DNAH5: variants seen among roughly 807,000 people sequenced by gnomAD.
DNAH5 encodes the protein dynein axonemal heavy chain 5, also known as axonemal beta dynein heavy chain 5.
In DNAH5, 372 loss-of-function variants were observed where a neutral mutation model predicts 518.2. The observed-to-expected ratio is 0.72, with a 90% CI of 0.66 to 0.78. The LOEUF (loss-of-function observed/expected upper bound fraction) is 0.78. Ranked by LOEUF, DNAH5 falls within the 30% of genes least tolerant of loss-of-function variation. The pLI, the probability that DNAH5 is intolerant of heterozygous loss-of-function variation, is 0.00. For synonymous variants in DNAH5, 2,039 were observed against 2,025.9 expected (o/e 1.01, Z -0.17); for missense variants, 5,523 against 5,687.0 (o/e 0.97, Z 0.93).
chr5:13,774,799 G>A (rs1502052), intron 55 of DNAH5, among the ~76,000 whole-genome samples: 46,200 of 151,974 alleles, frequency 0.3, 7,511 homozygotes, highest in South Asian at 0.42. Flanking sequence ...GGATCAATAA[G>A]ACCTTTGTCT....
intron 12 of DNAH5, among the ~76,000 whole-genome samples, chr5:13,908,150 TC>T (rs1161596505): frequency 6.6e-6 from 1 of 152,124 alleles, no homozygotes; most frequent in Non-Finnish European, 1.5e-5. Context: ...TTACAATACT[TC>T]CTTGCCCTCA....
chr5:13,775,348 C>T (rs948501898), intron 55 of DNAH5, among the ~76,000 whole-genome samples: 4 of 151,744 alleles, frequency 2.6e-5, no homozygotes, highest in Non-Finnish European at 4.4e-5. Flanking sequence ...AAAACTTCCC[C>T]AGTAGGTAAG....
chr5:13,818,414 C>T (rs1451256017), intron 41 of DNAH5, among the ~76,000 whole-genome samples: 1 of 152,228 alleles, frequency 6.6e-6, no homozygotes, highest in Non-Finnish European at 1.5e-5. Flanking sequence ...CTGGCCAACA[C>T]GGTGAAACCC....
chr5:13,871,485 C>T, intron 23 of DNAH5, 79 bp downstream of exon 23: 1 of 1,255,414 alleles, frequency 8.0e-7, no homozygotes. Flanking sequence ...AGGTAGAACT[C>T]TCTGGAATAC....
chr5:13,961,899 G>A (rs939329764), intron 1 of DNAH5, among the ~76,000 whole-genome samples: 4 of 145,286 alleles, frequency 2.8e-5, no homozygotes, highest in South Asian at 4.6e-4. Context: ...AATCACTAAC[G>A]CTTTTATTAT....
At chr5:13,858,064 C>A (rs551627580) in intron 30 of DNAH5, among the ~76,000 whole-genome samples, 1 of 152,282 alleles carries the variant, frequency 6.6e-6, no homozygotes, top group East Asian at 1.9e-4. Context: ...AATCCCATTA[C>A]TGTGTATATA....
Position 13,823,362 on chromosome 5 carries a change from C to G in DNAH5, c.6588G>C (p.Glu2196Asp). The G allele has an allele frequency of 6.2e-7, 1 of 1,608,550 alleles. No homozygotes were observed. Among genetic ancestry groups the G allele is most frequent in the Non-Finnish European group, 8.5e-7 (1 of 1,175,128 alleles). Residue 2196 changes from glutamate (E) to aspartate (D), a missense_variant, in exon 40 of 79, where the codon GAG becomes GAC. By Grantham distance (45) the Glu-to-Asp change is conservative. Around this residue, in one of 3 missense-constraint regions of DNAH5, gnomAD observed 5,121 missense variants for 5,223.3 expected, o/e 0.98. Transcript: ENST00000265104. ...RDMNLSKLID[E>D]DEPLFLSLIE... is the part of the protein sequence containing the mutation. ...TCAAACTCAAAAACAAGGGTTCATC[C>G]TCATCAATCTAAAAAAAGAAAATGG...
At chr5:13,908,861 C>T (rs180741007) in intron 12 of DNAH5, among the ~76,000 whole-genome samples, 75 of 152,278 alleles carry the variant, frequency 4.9e-4, no homozygotes, top group South Asian at 1.2e-3. Context: ...CTGAGTCTCT[C>T]CAAGACTCCT....
intron 35 of DNAH5, among the ~76,000 whole-genome samples, chr5:13,833,159 G>GGC (rs58794910): frequency 0.4 from 58,677 of 144,932 alleles, 12,764 homozygotes; most frequent in East Asian, 0.6. Context: ...TGTTAACATA[G>GGC]GCCAAGCACA....
At chr5:13,907,065 C>A (rs988037821) in intron 12 of DNAH5, among the ~76,000 whole-genome samples, 7 of 152,112 alleles carry the variant, frequency 4.6e-5, no homozygotes, top group African/African-American at 1.7e-4. Flanking sequence ...TACAGACTAA[C>A]CTTTGGCAAA....
chr5:13,915,280 C>T (rs1275555089), intron 9 of DNAH5, among the ~76,000 whole-genome samples: 1 of 151,954 alleles, frequency 6.6e-6, no homozygotes, highest in African/African-American at 2.4e-5. Flanking sequence ...ATCAGCCATG[C>T]GTGGATATCT....
rs201841311 is a variant in DNAH5 at position 13,865,765 on chromosome 5, T to C, written c.4258A>G (p.Asn1420Asp). 786 of 1,608,594 alleles carry C rather than the reference T, an allele frequency of 4.9e-4. 4 individuals are homozygous for C. The South Asian group carries it at 5.3e-3, about 11-fold the overall frequency. ...CTATTTACAGTTTCTATGACACTGT[T>C]GTACAGAGTATATATTTTCTGTAGA... ...NLLQKIYTLY[N>D]SVIETVNSYY... Residue 1420 changes from asparagine (N) to aspartate (D), a missense_variant, in exon 27 of 79, where the codon AAC becomes GAC. Physicochemically the swap from Asn to Asp is conservative, Grantham distance 23. Around this residue, in one of 3 missense-constraint regions of DNAH5, gnomAD observed 5,121 missense variants for 5,223.3 expected, o/e 0.98. Transcript: ENST00000265104.
chr5:13,842,473 AAG>A (rs1554073452), intron 32 of DNAH5, among the ~76,000 whole-genome samples: 3 of 117,412 alleles, frequency 2.6e-5, no homozygotes, highest in African/African-American at 1.0e-4. Context: ...GAAAGAAAGA[AAG>A]AAAGAAAGAG....
chr5:13,896,631 A>G (rs1773949296), intron 15 of DNAH5: 1 of 152,224 alleles, frequency 6.6e-6, no homozygotes, highest in Non-Finnish European at 1.5e-5. Flanking sequence ...TGCTTTGTCC[A>G]GTGAGCCTGA....
rs747832094 is a variant in DNAH5, at chr5:13,758,994, C to T, written c.10282-11G>A. 7 of 1,614,062 alleles carry T rather than the reference C, an allele frequency of 4.3e-6. No individual in the cohort carries two copies. The highest frequency in any genetic ancestry group is 5.9e-6 in the Non-Finnish European group (7 of 1,180,010). Reference sequence around the variant, plus strand: ...CACCACCAAGTTGGCCTGCACAGGACACACACAGAGTGAAGAGATGGGCAG... The same window carrying T: ...CACCACCAAGTTGGCCTGCACAGGATACACACAGAGTGAAGAGATGGGCAG... On this transcript the variant is annotated splice_polypyrimidine_tract_variant and intron_variant, in intron 60 of 78. Coordinates refer to ENST00000265104, the MANE Select transcript of DNAH5 (RefSeq NM_001369.3).
chr5:13,976,334 A>C (rs2152062038), intron 1 of DNAH5, among the ~76,000 whole-genome samples: 1 of 152,322 alleles, frequency 6.6e-6, no homozygotes, highest in African/African-American at 2.4e-5. Flanking sequence ...ACAATCCGTA[A>C]GTTTTAAATT....
chr5:14,000,041 T>C (rs945325279), intron 1 of DNAH5, among the ~76,000 whole-genome samples: 1 of 151,946 alleles, frequency 6.6e-6, no homozygotes, highest in Admixed American at 6.5e-5. Context: ...GGTTGAACTG[T>C]GTCCCATCAC....
At chr5:13,838,651 G>T (rs1764739647) in intron 35 of DNAH5, among the ~76,000 whole-genome samples, 2 of 152,228 alleles carry the variant, frequency 1.3e-5, no homozygotes, top group South Asian at 4.2e-4. Context: ...ATAGTGAATT[G>T]TATAATTATC....
chr5:13,903,759 G>A (rs897571759), intron 12 of DNAH5, among the ~76,000 whole-genome samples: 4 of 152,020 alleles, frequency 2.6e-5, no homozygotes, highest in African/African-American at 7.2e-5. Context: ...CATATAAAAC[G>A]AGAATAATAT....
Sources: allele counts gnomAD v4.1 joint callset (sites outside exome capture counted in the v4.1 genomes callset), GRCh38; gene constraint gnomAD v4.1.1; regional missense constraint gnomAD v4.1.1; transcripts MANE v1.5; gene names NCBI Gene and HGNC (gene_info 2026-07-23, HGNC 2026-07-21).